MEI4: variants seen among roughly 807,000 people sequenced by gnomAD.
The protein encoded by MEI4 is meiotic double-stranded break formation protein 4.
In MEI4, 27 loss-of-function variants were observed where a neutral mutation model predicts 31.4. The observed-to-expected ratio is 0.86, with a 90% confidence interval of 0.63 to 1.19. The LOEUF (loss-of-function observed/expected upper bound fraction) is 1.19. Ranked by LOEUF, MEI4 falls within the 50% of genes most tolerant of loss-of-function variation. The pLI is 0.00. For missense variants in MEI4, 329 were observed against 398.9 expected, an observed-to-expected ratio of 0.82 and a Z score of 1.49; for synonymous variants, 122 against 145.4, an observed-to-expected ratio of 0.84 and a Z score of 1.16.
At chr6:77,670,627 T>A (rs1393822610) in intron 1 of MEI4, among the ~76,000 whole-genome samples, 1 of 152,174 alleles carries the variant, frequency 6.6e-6, no homozygotes, top group African/African-American at 2.4e-5. Context: ...AACTTCCCTC[T>A]CCTTGGCCTG....
chr6:77,744,404 A>G (rs1767519573), intron 2 of MEI4, among the ~76,000 whole-genome samples: 3 of 152,310 alleles, frequency 2.0e-5, no homozygotes, highest in South Asian at 4.1e-4. Context: ...TGAAGCGACA[A>G]GAGAAGTTTA....
intron 3 of MEI4, among the ~76,000 whole-genome samples, chr6:77,774,669 C>G (rs9350728): frequency 0.056 from 8,577 of 151,856 alleles, 672 homozygotes; most frequent in African/African-American, 0.17. Context: ...AGCATATATG[C>G]CTGAGCCAGG....
Position 77,847,641 on chromosome 6 carries a change from G to A in MEI4, c.900+18579G>A, listed in dbSNP as rs750903593. Among the ~76,000 whole-genome samples the A allele has an allele frequency of 6.6e-6, 1 of 152,144 alleles. No homozygotes were observed. Among genetic ancestry groups the A allele is most frequent in the Non-Finnish European group, 1.5e-5 (1 of 68,024 alleles). ...AAGACTTCTCTAATCAGCATGGAAAGGAGCAGCCATTTCTTTCCTACTCCG... is the reference window on the plus strand; with the variant it reads ...AAGACTTCTCTAATCAGCATGGAAAAGAGCAGCCATTTCTTTCCTACTCCG... On this transcript the variant is annotated intron_variant, in intron 4 of 4. Coordinates refer to ENST00000684080, the MANE Select transcript of MEI4 (RefSeq NM_001322247.2). The surrounding 1 kb of genome is among the most constrained non-coding windows in gnomAD (Gnocchi z 4.6).
At chr6:77,802,994 A>G (rs988785003) in intron 3 of MEI4, among the ~76,000 whole-genome samples, 10 of 152,000 alleles carry the variant, frequency 6.6e-5, no homozygotes, top group Non-Finnish European at 1.3e-4. Context: ...CATTCTCTGT[A>G]TTTCCTGAAT....
At chr6:77,841,323 A>AT in intron 4 of MEI4, among the ~76,000 whole-genome samples, 3 of 44,410 alleles carry the variant, frequency 6.8e-5, no homozygotes, top group Non-Finnish European at 1.1e-4. Context: ...GCATATATAT[A>AT]TATATATATA....
Position 77,684,252 on chromosome 6 carries a change from AATTTTGTGGGTACATAGTAGGTGTATAT to A in MEI4, c.-14-6401_-14-6374del, listed in dbSNP as rs1395200921. Among the ~76,000 whole-genome samples, 515 of 152,226 alleles carry A rather than the reference AATTTTGTGGGTACATAGTAGGTGTATAT, an allele frequency of 3.4e-3. 2 individuals are homozygous for A. The highest frequency in any genetic ancestry group is 0.012 in the African/African-American group (501 of 41,558). The stretch of plus-strand genomic sequence containing the variant: ...TTTTAAAACTCTTACGTTTTTTAAA[AATTTTGTGGGTACATAGTAGGTGTATAT>A]ATTTATGGGGTACATGAGATACTTT... On this transcript the variant is annotated intron_variant, in intron 1 of 4. Transcript: ENST00000684080.
intron 4 of MEI4, among the ~76,000 whole-genome samples, chr6:77,838,689 G>T (rs1269079089): frequency 6.6e-6 from 1 of 152,104 alleles, no homozygotes; most frequent in Non-Finnish European, 1.5e-5. Flanking sequence ...ATCACCTGAG[G>T]TCAGGAGTTC....
At chr6:77,815,321 C>A (rs1201153791) in intron 3 of MEI4, among the ~76,000 whole-genome samples, 2 of 152,166 alleles carry the variant, frequency 1.3e-5, no homozygotes, top group East Asian at 1.9e-4. Context: ...AGGATAATAT[C>A]TGTAGCCATG....
At chr6:77,880,263 C>A in intron 4 of MEI4, among the ~76,000 whole-genome samples, 1 of 148,582 alleles carries the variant, frequency 6.7e-6, no homozygotes, top group Non-Finnish European at 1.5e-5. Flanking sequence ...CAGAGTCTCA[C>A]TGTGTCGCCC....
At chr6:77,821,220 A>G (rs1295538680) in intron 3 of MEI4, among the ~76,000 whole-genome samples, 2 of 152,134 alleles carry the variant, frequency 1.3e-5, no homozygotes, top group Non-Finnish European at 2.9e-5. Context: ...AAGTGTAATT[A>G]ATGTCTGAAG....
intron 4 of MEI4, among the ~76,000 whole-genome samples, chr6:77,867,956 C>G (rs1053926493): frequency 6.6e-6 from 1 of 151,978 alleles, no homozygotes; most frequent in Non-Finnish European, 1.5e-5. Flanking sequence ...TCTCAGCAAA[C>G]TATTGCAAGG....
At chr6:77,889,430 C>A (rs576345908) in intron 4 of MEI4, among the ~76,000 whole-genome samples, 1 of 152,234 alleles carries the variant, frequency 6.6e-6, no homozygotes, top group East Asian at 1.9e-4. Context: ...CAGCATTTTT[C>A]CCCTGTCCTA....
intron 3 of MEI4, among the ~76,000 whole-genome samples, chr6:77,781,521 A>G (rs1561985777): frequency 6.6e-6 from 1 of 152,178 alleles, no homozygotes; most frequent in Non-Finnish European, 1.5e-5. Context: ...ATGGAATTCA[A>G]TTCTCATTTT....
chr6:77,824,813 T>G (rs988800135), intron 3 of MEI4, among the ~76,000 whole-genome samples: 3 of 152,204 alleles, frequency 2.0e-5, no homozygotes, highest in African/African-American at 7.2e-5. Flanking sequence ...TTGCCTAAAT[T>G]CTTAGTTCAC....
intron 4 of MEI4, among the ~76,000 whole-genome samples, chr6:77,858,597 CTTTTAATAAAAT>C (rs1189612194): frequency 1.3e-5 from 2 of 151,906 alleles, no homozygotes; most frequent in South Asian, 2.1e-4. Flanking sequence ...GATCATGTGC[CTTTTAATAAAAT>C]TTAAGGTGGC....
At chr6:77,849,516 A>G (rs994419596) in intron 4 of MEI4, among the ~76,000 whole-genome samples, 8 of 152,330 alleles carry the variant, frequency 5.3e-5, no homozygotes, top group African/African-American at 1.9e-4. Context: ...CCTTGGAGAT[A>G]ACAATTTTAA....
At chr6:77,818,293 C>CA (rs1211400501) in intron 3 of MEI4, among the ~76,000 whole-genome samples, 2 of 151,958 alleles carry the variant, frequency 1.3e-5, no homozygotes, top group Non-Finnish European at 1.5e-5. Context: ...GAGAATCTTT[C>CA]AAAATAGAAG....
intron 3 of MEI4, among the ~76,000 whole-genome samples, chr6:77,792,924 G>T (rs1016005059): frequency 6.6e-5 from 10 of 152,106 alleles, no homozygotes; most frequent in Admixed American, 5.9e-4. Flanking sequence ...ATGTTAGCCA[G>T]GATGGTCTTG....
At chr6:77,784,319 G>A (rs1314567707) in intron 3 of MEI4, among the ~76,000 whole-genome samples, 1 of 151,956 alleles carries the variant, frequency 6.6e-6, no homozygotes, top group East Asian at 1.9e-4. Flanking sequence ...AGTGATCACC[G>A]GTCTCTCAAT....
Sources: allele counts gnomAD v4.1 joint callset (sites outside exome capture counted in the v4.1 genomes callset), GRCh38; gene constraint gnomAD v4.1.1; non-coding constraint Gnocchi (gnomAD v3.1); transcripts MANE v1.5; gene names NCBI Gene and HGNC (gene_info 2026-07-23, HGNC 2026-07-21).